The following KCNIP1 variants were observed in gnomAD, a reference collection of about 807,000 sequenced individuals.
KCNIP1 encodes A-type potassium channel modulatory protein KCNIP1.
In KCNIP1, 18 loss-of-function variants were observed where a neutral mutation model predicts 33.0. The ratio of observed to expected loss-of-function variants is 0.55; its 90% confidence interval spans 0.38 to 0.81. The LOEUF (loss-of-function observed/expected upper bound fraction) is 0.81. Ranked by LOEUF, KCNIP1 falls within the 30% of genes least tolerant of loss-of-function variation. KCNIP1 has a pLI of 0.00. For missense variants in KCNIP1, 238 were observed against 271.6 expected (o/e 0.88, Z 0.87); for synonymous variants, 93 against 98.3 (o/e 0.95, Z 0.32).
At chr5:170,726,407 A>T (rs1764005740) in intron 5 of KCNIP1, among the ~76,000 whole-genome samples, 2 of 152,204 alleles carry the variant, frequency 1.3e-5, no homozygotes, top group African/African-American at 4.8e-5. Flanking sequence ...CTTCAAAGAA[A>T]TGCAAATTAT....
intron 5 of KCNIP1, among the ~76,000 whole-genome samples, chr5:170,724,639 A>C (rs1236174119): frequency 6.6e-6 from 1 of 152,354 alleles, no homozygotes; most frequent in South Asian, 2.1e-4. Context: ...TGAATTTAAC[A>C]AAGTGAAGAC....
chr5:170,681,530 A>AT (rs1439629394), intron 1 of KCNIP1: 1 of 173,756 alleles, frequency 5.8e-6, no homozygotes, highest in East Asian at 1.5e-4. Context: ...TATATTGTTG[A>AT]TGGAAGCCAG....
chr5:170,583,459 G>A (rs562257012), intron 1 of KCNIP1, among the ~76,000 whole-genome samples: 48 of 152,310 alleles, frequency 3.2e-4, no homozygotes, highest in African/African-American at 1.1e-3. Context: ...AGAGGAGGGG[G>A]AGAAGATTAG....
intron 1 of KCNIP1, among the ~76,000 whole-genome samples, chr5:170,479,491 A>G (rs374840828): frequency 4.6e-5 from 7 of 152,264 alleles, no homozygotes; most frequent in African/African-American, 1.7e-4. Context: ...ATTTAATAGA[A>G]GAATTAAATC....
At chr5:170,438,841 C>T (rs989435806) in intron 1 of KCNIP1, among the ~76,000 whole-genome samples, 1 of 152,166 alleles carries the variant, frequency 6.6e-6, no homozygotes, top group East Asian at 1.9e-4. Flanking sequence ...ATCTGGAGCA[C>T]CCTGTACCGA....
chr5:170,545,823 T>A (rs1226310520), intron 1 of KCNIP1, among the ~76,000 whole-genome samples: 1 of 152,244 alleles, frequency 6.6e-6, no homozygotes, highest in Non-Finnish European at 1.5e-5. Flanking sequence ...AATAGCTGGG[T>A]CATCTATGGA....
intron 1 of KCNIP1, among the ~76,000 whole-genome samples, chr5:170,357,207 C>G (rs1763372233): frequency 6.6e-6 from 1 of 152,186 alleles, no homozygotes; most frequent in Admixed American, 6.5e-5. Context: ...ATCCCCGGAC[C>G]CTGCACTGTG....
chr5:170,437,316 C>T (rs1472738785), intron 1 of KCNIP1, among the ~76,000 whole-genome samples: 3 of 152,238 alleles, frequency 2.0e-5, no homozygotes, highest in Non-Finnish European at 4.4e-5. Context: ...GGTCAGAGAG[C>T]GACCTTCCTT....
At chr5:170,650,416 A>T (rs1174640443) in intron 1 of KCNIP1, among the ~76,000 whole-genome samples, 1 of 152,142 alleles carries the variant, frequency 6.6e-6, no homozygotes, top group East Asian at 1.9e-4. Flanking sequence ...TTTTATCTAA[A>T]TCAGCCACGC....
rs547269359 is a variant in KCNIP1, at chr5:170,717,974, C to T, written c.62-784C>T. On this transcript the variant is annotated intron_variant, in intron 1 of 7. Coordinates refer to ENST00000328939, the MANE Select transcript of KCNIP1 (RefSeq NM_014592.4). ...CACCTACCCCTCTGTGATGGTAAAA[C>T]GTTGAAAATTCCACGGACTTGGACC... 9.8e-5 allele frequency among the ~76,000 whole-genome samples: 15 copies of T among 152,302 alleles called. 1 individual carries two copies. In the East Asian group the frequency reaches 2.9e-3, roughly 29 times the overall value.
chr5:170,540,763 C>T (rs748046996), intron 1 of KCNIP1, among the ~76,000 whole-genome samples: 13 of 152,192 alleles, frequency 8.5e-5, no homozygotes, highest in African/African-American at 2.9e-4. Flanking sequence ...CCTTCAACTG[C>T]AGAAGGTGAG....
intron 1 of KCNIP1, among the ~76,000 whole-genome samples, chr5:170,698,398 A>C (rs1762972500): frequency 6.6e-6 from 1 of 152,222 alleles, no homozygotes; most frequent in Admixed American, 6.5e-5. Context: ...GGCATCAAGC[A>C]GACCTGTATT....
At chr5:170,544,407 T>C (rs954580970) in intron 1 of KCNIP1, among the ~76,000 whole-genome samples, 10 of 152,178 alleles carry the variant, frequency 6.6e-5, no homozygotes, top group African/African-American at 1.9e-4. Context: ...CTAGATCTCA[T>C]TGATACTTCA....
At chr5:170,395,113 C>T (rs1479783545) in intron 1 of KCNIP1, among the ~76,000 whole-genome samples, 1 of 152,156 alleles carries the variant, frequency 6.6e-6, no homozygotes. Context: ...TGTATGCATC[C>T]AGCAGTGGGA....
chr5:170,595,370 T>G (rs143622642), intron 1 of KCNIP1, among the ~76,000 whole-genome samples: 2,456 of 152,284 alleles, frequency 0.016, 27 homozygotes, highest in Non-Finnish European at 0.026. Context: ...TTGGGAGTGG[T>G]CCATGAAAAT....
chr5:170,687,790 C>T (rs1561765889), intron 1 of KCNIP1, among the ~76,000 whole-genome samples: 1 of 152,208 alleles, frequency 6.6e-6, no homozygotes, highest in African/African-American at 2.4e-5. Context: ...TCACTTTTTA[C>T]ATTTGCAAAA....
chr5:170,673,752 T>C (rs1382587343), intron 1 of KCNIP1, among the ~76,000 whole-genome samples: 1 of 152,176 alleles, frequency 6.6e-6, no homozygotes, highest in South Asian at 2.1e-4. Context: ...AACATCTATG[T>C]CACTCTCAAC....
chr5:170,668,457 C>G (rs150679952), intron 1 of KCNIP1, among the ~76,000 whole-genome samples: 131 of 152,322 alleles, frequency 8.6e-4, no homozygotes, highest in African/African-American at 3.1e-3. Flanking sequence ...CAGCCTCCTC[C>G]CCTGTTGATG....
At chr5:170,676,173 GAAGGAAAGGAAAGGAAAGGA>G (rs56218336) in intron 1 of KCNIP1, among the ~76,000 whole-genome samples, 38,979 of 100,792 alleles carry the variant, frequency 0.39, 7,132 homozygotes, top group East Asian at 0.61. Flanking sequence ...GGGAAAGAAG[GAAGGAAAGGAAAGGAAAGGA>G]AAGGAAAGGA....
Sources: allele counts gnomAD v4.1 joint callset (sites outside exome capture counted in the v4.1 genomes callset), GRCh38; gene constraint gnomAD v4.1.1; transcripts MANE v1.5; gene names NCBI Gene and HGNC (gene_info 2026-07-23, HGNC 2026-07-21).